RARB: variants seen among roughly 807,000 people sequenced by gnomAD.
RARB encodes the protein HBV-activated protein.
RARB carries 17 observed loss-of-function variants against 51.9 expected under a neutral mutation model. The ratio of observed to expected loss-of-function variants is 0.33; its 90% confidence interval spans 0.22 to 0.49. The LOEUF (loss-of-function observed/expected upper bound fraction) is 0.49, where lower values mean the gene tolerates loss of function less well. Among genes scored for constraint, RARB ranks in the 20% least tolerant of loss-of-function variants. The pLI, the probability that RARB is intolerant of heterozygous loss-of-function variation, is 0.99. For synonymous variants in RARB, 215 were observed against 195.4 expected, an observed-to-expected ratio of 1.10 and a Z score of -0.84; for missense variants, 369 against 550.8, an observed-to-expected ratio of 0.67 and a Z score of 3.30.
At chr3:25,382,262 A>G (rs1282526217) in intron 5 of RARB, among the ~76,000 whole-genome samples, 1 of 152,234 alleles carries the variant, frequency 6.6e-6, no homozygotes. Flanking sequence ...CTCTCAAAAT[A>G]ATCAGGACAA....
At chr3:25,525,255 T>A (rs551508644) in intron 3 of RARB, among the ~76,000 whole-genome samples, 32 of 152,286 alleles carry the variant, frequency 2.1e-4, no homozygotes, top group African/African-American at 7.2e-4. Flanking sequence ...CCTGTTCATT[T>A]TGGAGGCAAC....
intron 1 of RARB, among the ~76,000 whole-genome samples, chr3:25,457,260 T>G (rs554716513): frequency 2.1e-4 from 32 of 152,284 alleles, no homozygotes; most frequent in East Asian, 1.2e-3. Flanking sequence ...TATTCTCTAT[T>G]AGGCCAAATT....
chr3:25,359,949 C>T (rs1438321029), intron 5 of RARB, among the ~76,000 whole-genome samples: 4 of 152,136 alleles, frequency 2.6e-5, no homozygotes, highest in Non-Finnish European at 4.4e-5. Context: ...AATGTATATT[C>T]TGTTGATTTG....
chr3:24,859,453 T>A (rs552919670), intron 2 of RARB, among the ~76,000 whole-genome samples: 1 of 152,298 alleles, frequency 6.6e-6, no homozygotes, highest in South Asian at 2.1e-4. Context: ...GCCACGTTAT[T>A]GTACTCACCT....
chr3:24,877,132 A>G (rs537038506), intron 2 of RARB, among the ~76,000 whole-genome samples: 2 of 152,190 alleles, frequency 1.3e-5, no homozygotes, highest in South Asian at 4.1e-4. Flanking sequence ...GCACAATGTA[A>G]AAGTAATATA....
chr3:24,962,632 C>T (rs1575093657), intron 2 of RARB, among the ~76,000 whole-genome samples: 1 of 152,170 alleles, frequency 6.6e-6, no homozygotes, highest in African/African-American at 2.4e-5. Context: ...ATTCGATTCT[C>T]ATAGGAGCAC....
chr3:25,311,622 C>G (rs1704292218), intron 5 of RARB, among the ~76,000 whole-genome samples: 1 of 152,178 alleles, frequency 6.6e-6, no homozygotes, highest in African/African-American at 2.4e-5. Context: ...TGAGGGCTTC[C>G]TCAAAGGAAG....
intron 1 of RARB, among the ~76,000 whole-genome samples, chr3:25,457,937 ACT>A (rs1231232249): frequency 6.6e-6 from 1 of 152,050 alleles, no homozygotes; most frequent in Non-Finnish European, 1.5e-5. Context: ...TGATGACATG[ACT>A]CTGTCAGTTG....
chr3:25,178,047 G>A (rs1700790706), intron 5 of RARB, among the ~76,000 whole-genome samples: 1 of 151,960 alleles, frequency 6.6e-6, no homozygotes, highest in Non-Finnish European at 1.5e-5. Context: ...TACAGGGGGT[G>A]GGCCCTGTTC....
chr3:25,292,021 G>GA (rs1295872989), intron 5 of RARB, among the ~76,000 whole-genome samples: 1 of 151,444 alleles, frequency 6.6e-6, no homozygotes, highest in Non-Finnish European at 1.5e-5. Context: ...TAACATGTGA[G>GA]AAGGGGGTAG....
At chr3:25,099,259 G>A (rs1245497527) in intron 3 of RARB, among the ~76,000 whole-genome samples, 6 of 152,072 alleles carry the variant, frequency 3.9e-5, no homozygotes, top group African/African-American at 1.4e-4. Flanking sequence ...CTGCCTTCCT[G>A]ACCAAAGTCC....
chr3:25,009,356 T>C (rs989152368), intron 2 of RARB, among the ~76,000 whole-genome samples: 8 of 152,154 alleles, frequency 5.3e-5, no homozygotes, highest in African/African-American at 1.9e-4. Flanking sequence ...TTTTTTTACA[T>C]TGAAAATATT....
At chr3:25,213,372 T>C (rs1701744978) in intron 5 of RARB, among the ~76,000 whole-genome samples, 1 of 152,226 alleles carries the variant, frequency 6.6e-6, no homozygotes, top group Non-Finnish European at 1.5e-5. Context: ...TTGGGATTTA[T>C]TCATATTGTC....
chr3:25,342,705 A>C (rs185819042), intron 5 of RARB, among the ~76,000 whole-genome samples: 1 of 152,348 alleles, frequency 6.6e-6, no homozygotes, highest in South Asian at 2.1e-4. Context: ...CTGCAGCTGA[A>C]CGCAGCCCTA....
intron 2 of RARB, among the ~76,000 whole-genome samples, chr3:24,897,947 C>T (rs186739404): frequency 3.4e-4 from 51 of 152,194 alleles, no homozygotes; most frequent in African/African-American, 1.1e-3. Context: ...AGAAGCATCT[C>T]GTGGAAGTGG....
intron 5 of RARB, among the ~76,000 whole-genome samples, chr3:25,188,164 A>G (rs1701019787): frequency 1.3e-5 from 2 of 152,068 alleles, no homozygotes; most frequent in Admixed American, 1.3e-4. Flanking sequence ...AATTCTAGCA[A>G]GCATATTAAT....
At chr3:25,211,004 G>A (rs1370356025) in intron 5 of RARB, among the ~76,000 whole-genome samples, 4 of 152,106 alleles carry the variant, frequency 2.6e-5, no homozygotes, top group African/African-American at 9.7e-5. Flanking sequence ...TTTCCTCATT[G>A]TGATAAAATA....
At chr3:24,863,897 G>A (rs914943671) in intron 2 of RARB, among the ~76,000 whole-genome samples, 6 of 151,896 alleles carry the variant, frequency 4.0e-5, no homozygotes, top group African/African-American at 1.2e-4. Context: ...CCATGTGTGA[G>A]GATGGAGGCA....
intron 2 of RARB, among the ~76,000 whole-genome samples, chr3:25,467,164 A>G (rs1162504939): frequency 6.6e-6 from 1 of 152,256 alleles, no homozygotes; most frequent in East Asian, 1.9e-4. Flanking sequence ...GTATCCAGGT[A>G]ATTGAGCTAC....
Sources: gnomAD v4.1 joint callset for allele counts (sites outside exome capture counted in the v4.1 genomes callset) on GRCh38, gnomAD v4.1.1 for gene constraint, MANE v1.5 for transcripts, NCBI Gene and HGNC (gene_info 2026-07-23, HGNC 2026-07-21) for gene names.